MSRA: variants seen among roughly 807,000 people sequenced by gnomAD.
MSRA encodes mitochondrial peptide methionine sulfoxide reductase.
MSRA carries 54 observed loss-of-function variants against 31.3 expected under a neutral mutation model. The ratio of observed to expected loss-of-function variants is 1.73; its 90% CI spans 1.39 to 2.17. The LOEUF (loss-of-function observed/expected upper bound fraction) is 2.17, where lower values mean the gene tolerates loss of function less well. MSRA is among the 30% of genes most tolerant of loss of function. MSRA has a pLI of 0.00. For missense variants in MSRA, 507 were observed against 300.9 expected, an observed-to-expected ratio of 1.69 and a Z score of -5.07; for synonymous variants, 169 against 116.5, an observed-to-expected ratio of 1.45 and a Z score of -2.90.
intron 1 of MSRA, among the ~76,000 whole-genome samples, chr8:10,163,472 A>T (rs564647042): frequency 6.6e-6 from 1 of 152,156 alleles, no homozygotes; most frequent in African/African-American, 2.4e-5. Context: ...ATCTGCCCGG[A>T]GGCCGTTCCT....
At chr8:10,095,757 C>A in intron 1 of MSRA, 1 of 1,145,470 alleles carries the variant, frequency 8.7e-7, no homozygotes, top group South Asian at 4.4e-5. Flanking sequence ...GTCTCTTGGG[C>A]TATTTGAAAG....
intron 5 of MSRA, among the ~76,000 whole-genome samples, chr8:10,409,154 G>A (rs1374935142): frequency 1.3e-5 from 2 of 152,160 alleles, no homozygotes; most frequent in African/African-American, 2.4e-5. Flanking sequence ...ACTGTTTTCC[G>A]TAGAGGTTGT....
chr8:10,132,261 T>G (rs1461217368), intron 1 of MSRA, among the ~76,000 whole-genome samples: 1 of 152,248 alleles, frequency 6.6e-6, no homozygotes, highest in African/African-American at 2.4e-5. Context: ...ATGACTTATT[T>G]GACATTAGCA....
At chr8:10,201,186 T>A (rs1322212619) in intron 1 of MSRA, among the ~76,000 whole-genome samples, 1 of 152,088 alleles carries the variant, frequency 6.6e-6, no homozygotes, top group African/African-American at 2.4e-5. Context: ...ACCGTGACCC[T>A]CCTCTCTGCT....
chr8:10,278,380 G>A (rs910539135), intron 3 of MSRA, among the ~76,000 whole-genome samples: 6 of 152,212 alleles, frequency 3.9e-5, no homozygotes, highest in African/African-American at 9.7e-5. Flanking sequence ...ACCGTGGCTC[G>A]CACATGCACA....
chr8:10,200,082 G>A (rs1808363587), intron 1 of MSRA, among the ~76,000 whole-genome samples: 1 of 150,076 alleles, frequency 6.7e-6, no homozygotes, highest in Non-Finnish European at 1.5e-5. Context: ...GGAGGTATGG[G>A]GGTTGCCTGG....
chr8:10,244,089 G>A (rs957932939), intron 2 of MSRA, among the ~76,000 whole-genome samples: 1 of 152,128 alleles, frequency 6.6e-6, no homozygotes, highest in Non-Finnish European at 1.5e-5. Flanking sequence ...GTCAAATCTG[G>A]TAAATCGAGT....
At chr8:10,195,172 C>T (rs900291506) in intron 1 of MSRA, among the ~76,000 whole-genome samples, 8 of 152,184 alleles carry the variant, frequency 5.3e-5, no homozygotes, top group African/African-American at 1.9e-4. Flanking sequence ...TGTCTTTGTC[C>T]GTGAGCAAAG....
intron 1 of MSRA, among the ~76,000 whole-genome samples, chr8:10,145,002 G>A (rs188137373): frequency 3.9e-4 from 59 of 150,690 alleles, no homozygotes; most frequent in African/African-American, 7.6e-4. Context: ...CCCTCCCCCC[G>A]CCTCTCCCTG....
At chr8:10,305,985 T>G (rs539077581) in intron 4 of MSRA, among the ~76,000 whole-genome samples, 7 of 152,224 alleles carry the variant, frequency 4.6e-5, no homozygotes, top group Non-Finnish European at 1.0e-4. Flanking sequence ...TGAATCCCAC[T>G]GTTTAAGCCA....
At chr8:10,328,251 C>T (rs561602259) in intron 5 of MSRA, among the ~76,000 whole-genome samples, 1 of 122,674 alleles carries the variant, frequency 8.2e-6, no homozygotes, top group South Asian at 3.4e-4. Context: ...CCTCCCTCCC[C>T]CCTCCCCACT....
At chr8:10,228,475 C>G (rs569176900) in intron 2 of MSRA, among the ~76,000 whole-genome samples, 18 of 152,244 alleles carry the variant, frequency 1.2e-4, no homozygotes, top group African/African-American at 4.1e-4. Flanking sequence ...AACTGCATGT[C>G]ATTTATCAGG....
chr8:10,281,068 T>G (rs985104619), intron 3 of MSRA, among the ~76,000 whole-genome samples: 7 of 152,192 alleles, frequency 4.6e-5, no homozygotes. Flanking sequence ...TAAAAATGTT[T>G]TAAAATTGAT....
chr8:10,311,696 T>G (rs1801443056), intron 4 of MSRA, among the ~76,000 whole-genome samples: 2 of 152,146 alleles, frequency 1.3e-5, no homozygotes, highest in South Asian at 2.1e-4. Context: ...GAGGATCACT[T>G]GAATCCAGGA....
At chr8:10,157,704 C>A (rs1294249275) in intron 1 of MSRA, among the ~76,000 whole-genome samples, 2 of 151,974 alleles carry the variant, frequency 1.3e-5, no homozygotes, top group Non-Finnish European at 2.9e-5. Flanking sequence ...ATACTTTGTT[C>A]AAATCAGGAC....
intron 5 of MSRA, among the ~76,000 whole-genome samples, chr8:10,339,800 C>T (rs1156235304): frequency 2.6e-5 from 4 of 151,928 alleles, no homozygotes; most frequent in African/African-American, 9.7e-5. Flanking sequence ...CTCGGCCTCC[C>T]AAAGTGCTGG....
At chr8:10,172,114 C>T (rs976073466) in intron 1 of MSRA, among the ~76,000 whole-genome samples, 2 of 152,184 alleles carry the variant, frequency 1.3e-5, no homozygotes, top group Admixed American at 6.5e-5. Flanking sequence ...TCAGGAATGG[C>T]AGGGTGGCAG....
Position 10,092,366 on chromosome 8 carries a change from A to G in MSRA, c.142+37708A>G, listed in dbSNP as rs539830716. ...GAGGATGTTCCATATATCCTTAAGT[A>G]TGTACATTCTGGCCAGGCACGGTGG... On this transcript the variant is annotated intron_variant, in intron 1 of 5. Transcript: ENST00000317173. 2.5e-4 allele frequency among the ~76,000 whole-genome samples: 38 copies of G among 152,302 alleles called. No individual in the cohort carries two copies. In the East Asian group the frequency reaches 6.4e-3, roughly 26 times the overall value.
intron 3 of MSRA, among the ~76,000 whole-genome samples, chr8:10,291,630 G>T (rs1307134481): frequency 2.0e-5 from 3 of 152,044 alleles, no homozygotes; most frequent in African/African-American, 7.2e-5. Flanking sequence ...GTAGTGTTTT[G>T]AATCTCGTGT....
Sources: allele counts gnomAD v4.1 joint callset (sites outside exome capture counted in the v4.1 genomes callset), GRCh38; gene constraint gnomAD v4.1.1; transcripts MANE v1.5; gene names NCBI Gene and HGNC (gene_info 2026-07-23, HGNC 2026-07-21).